SBNO2: variants seen among roughly 807,000 people sequenced by gnomAD.
SBNO2 encodes protein strawberry notch homolog 2.
In SBNO2, 89 loss-of-function variants were observed where a neutral mutation model predicts 146.3. That is an observed-to-expected ratio of 0.61 (90% CI 0.51 to 0.73). The LOEUF is 0.73. SBNO2 is among the 30% of genes least tolerant of loss of function. The pLI, the probability that SBNO2 is intolerant of heterozygous loss-of-function variation, is 0.00. For missense variants in SBNO2, 2,092 were observed against 2,003.7 expected, an observed-to-expected ratio of 1.04 and a Z score of -0.84; for synonymous variants, 1,147 against 892.6, an observed-to-expected ratio of 1.29 and a Z score of -5.08.
rs2080124128 is a variant in SBNO2, at chr19:1,140,418, G to A, written c.279+6891C>T. Among the ~76,000 whole-genome samples the A allele has an allele frequency of 6.6e-6, 1 of 152,214 alleles. No homozygotes were observed. The highest frequency in any genetic ancestry group is 1.5e-5 in the Non-Finnish European group (1 of 68,032). On this transcript the variant is annotated intron_variant, in intron 4 of 31. Transcript: ENST00000361757. The surrounding 1 kb of genome is among the most constrained non-coding windows in gnomAD (Gnocchi z 4.4). ...ACGGGGCTGAGCCATCACCCACCAG[G>A]GACATTGAGCCTGATGGCTTCGCGC...
At position 1,119,732 on chromosome 19, in the gene SBNO2, T is replaced by C. The variant is rs868436377; in HGVS notation, c.1268-111A>G. On this transcript the variant is annotated intron_variant, in intron 12 of 31. Coordinates refer to ENST00000361757, the MANE Select transcript of SBNO2 (RefSeq NM_014963.3). ...GAGGGGCCCTGCGGGGTTGGAGCCA[T>C]GGGCCTGAAGAGAGCCAGCGTGGCC... is the stretch of plus-strand genomic sequence containing the variant. The C allele has an allele frequency of 3.6e-5, 38 of 1,061,706 alleles. No individual in the cohort carries two copies. The Middle Eastern group carries it at 3.6e-3, about 102-fold the overall frequency. 65.8% of individuals were successfully genotyped at this position (1,061,706 alleles called of 1,614,324 possible).
intron 2 of SBNO2, among the ~76,000 whole-genome samples, chr19:1,153,745 C>T (rs2145314104): frequency 6.6e-6 from 1 of 152,304 alleles, no homozygotes; most frequent in South Asian, 2.1e-4. Context: ...ACTATGTTGG[C>T]CAGGCTGGTC....
intron 4 of SBNO2, chr19:1,128,411 G>C: frequency 3.5e-6 from 1 of 287,668 alleles, no homozygotes; most frequent in South Asian, 2.6e-5. Context: ...TTTTTTTTTT[G>C]AGACGGATTC....
At chr19:1,131,066 T>G (rs2080022884) in intron 4 of SBNO2, among the ~76,000 whole-genome samples, 1 of 152,184 alleles carries the variant, frequency 6.6e-6, no homozygotes, top group Non-Finnish European at 1.5e-5. Flanking sequence ...GGCTCCGTCC[T>G]CTGCCCACAT....
chr19:1,166,142 AGACCCC>A (rs2080420924), intron 1 of SBNO2, among the ~76,000 whole-genome samples: 1 of 136,862 alleles, frequency 7.3e-6, no homozygotes, highest in African/African-American at 2.7e-5. Context: ...TCAGATCCCC[AGACCCC>A]AGATCCCAGA....
rs956109323 is a variant in SBNO2, at chr19:1,119,460, T to C, written c.1373+56A>G. 3.9e-5 allele frequency: 52 copies of C among 1,349,438 alleles called. No individual in the cohort carries two copies. The East Asian group carries it at 1.1e-3, about 30-fold the overall frequency. 83.6% of individuals were successfully genotyped at this position (1,349,438 alleles called of 1,614,324 possible). A position where few individuals can be genotyped will look rare whatever the true frequency, so the allele number is the denominator to read the frequency against. On this transcript the variant is annotated intron_variant, in intron 13 of 31. Coordinates refer to ENST00000361757, the MANE Select transcript of SBNO2 (RefSeq NM_014963.3). ...GTGCCAGGCCTTGGGCTGATGGGCCTGAGGCCTCCTCCCCACCCCCCGCCG... is the reference window on the plus strand; with the variant it reads ...GTGCCAGGCCTTGGGCTGATGGGCCCGAGGCCTCCTCCCCACCCCCCGCCG...
At chr19:1,113,421 C>G (rs2079791402) in intron 19 of SBNO2, 114 bp downstream of exon 19, 1 of 985,902 alleles carries the variant, frequency 1.0e-6, no homozygotes, top group East Asian at 3.0e-5. Context: ...CTCGCAGGGC[C>G]GCGGAGACGC....
chr19:1,154,026 G>A (rs1016876701), intron 2 of SBNO2, among the ~76,000 whole-genome samples, 158 bp downstream of exon 2: 10 of 152,296 alleles, frequency 6.6e-5, no homozygotes, highest in African/African-American at 2.2e-4. Flanking sequence ...CAGGGCCCAC[G>A]GGGGCGGGTG....
At chr19:1,172,218 G>A (rs1236656772) in intron 1 of SBNO2, among the ~76,000 whole-genome samples, 3 of 152,130 alleles carry the variant, frequency 2.0e-5, no homozygotes, top group African/African-American at 7.2e-5. Context: ...AAGGACGAGA[G>A]CCTGCCTGCG....
At chr19:1,164,907 A>C (rs1599884083) in intron 1 of SBNO2, among the ~76,000 whole-genome samples, 2 of 65,672 alleles carry the variant, frequency 3.0e-5, no homozygotes, top group African/African-American at 1.0e-4. Context: ...GAGGAGGAGG[A>C]GGCACAGGAG....
In SBNO2 at chr19:1,147,423, G is replaced by T. The variant is rs2080201467; in HGVS notation, c.168-3C>A. ...AGGAGGCGGAGCTCATGAACGGGCT[G>T]GAGGGAGATGGGGGGGGGGGAGGTG... On this transcript the variant is annotated splice_region_variant and splice_polypyrimidine_tract_variant and intron_variant, in intron 3 of 31. Transcript: ENST00000361757. 3 of 1,376,122 alleles carry T rather than the reference G, an allele frequency of 2.2e-6. 1 individual carries two copies. The highest frequency in any genetic ancestry group is 2.9e-6 in the Non-Finnish European group (3 of 1,037,192). 85.2% of individuals were successfully genotyped at this position (1,376,122 alleles called of 1,614,324 possible). A position where few individuals can be genotyped will look rare whatever the true frequency, so the allele number is the denominator to read the frequency against.
rs2079969152 is a variant in SBNO2, at chr19:1,126,652, G to GC, written c.441+951dup. The stretch of plus-strand genomic sequence containing the variant: ...GCCCGTGAGTTCTGCTGCCCGGGTT[G>GC]CCCCTTCCTGAGGGCCCGGGAGAGC... On this transcript the variant is annotated intron_variant, in intron 5 of 31. Coordinates refer to ENST00000361757, the MANE Select transcript of SBNO2 (RefSeq NM_014963.3). This position sits in a 1 kb window ranked among gnomAD's most constrained non-coding sequence, Gnocchi z 4.4. Among the ~76,000 whole-genome samples, 1 of 152,140 alleles carries GC rather than the reference G, an allele frequency of 6.6e-6. No homozygotes were observed. The highest frequency in any genetic ancestry group is 2.1e-4 in the South Asian group (1 of 4,824).
intron 1 of SBNO2, among the ~76,000 whole-genome samples, chr19:1,165,960 CCCCAGAT>C (rs1389914536): frequency 1.9e-5 from 2 of 105,078 alleles, no homozygotes; most frequent in African/African-American, 3.5e-5. Flanking sequence ...AGATCTCAGA[CCCCAGAT>C]CCCAGATCCC....
chr19:1,138,982 C>A (rs2080110843), intron 4 of SBNO2, among the ~76,000 whole-genome samples: 1 of 152,140 alleles, frequency 6.6e-6, no homozygotes, highest in Admixed American at 6.5e-5. Context: ...CAGTGGGCCC[C>A]TCCACGCGTC....
At position 1,134,770 on chromosome 19, in the gene SBNO2, C is replaced by T. The variant is rs368057946; in HGVS notation, c.280-7005G>A. Among the ~76,000 whole-genome samples, 14 of 152,078 alleles carry T rather than the reference C, an allele frequency of 9.2e-5. No individual in the cohort carries two copies. The South Asian group carries it at 1.5e-3, about 16-fold the overall frequency. The stretch of plus-strand genomic sequence containing the variant: ...CTTTTTTAAAGTGTGGATTTGGGCC[C>T]GGCACGGTGGCTTACGCCTGTAATC... On this transcript the variant is annotated intron_variant, in intron 4 of 31. Transcript: ENST00000361757.
In SBNO2 at chr19:1,123,989, C is replaced by G; in HGVS notation, c.475G>C (p.Glu159Gln). The G allele has an allele frequency of 6.2e-7, 1 of 1,612,062 alleles. No individual in the cohort carries two copies. Among genetic ancestry groups the G allele is most frequent in the Non-Finnish European group, 8.5e-7 (1 of 1,179,414 alleles). The change falls in exon 6 of 32, where the codon GAG becomes CAG. Residue 159 changes from glutamate to glutamine, a missense_variant. Transcript: ENST00000361757. ...GTGCTGTGGGAGGGCAGAAAGTCCT[C>G]GAAGCCTGCAAACGGCCTGCTGAGC... Reference protein sequence around the residue: ...FQLSRPFAGFEDFLPSHSTPL... With the variant: ...FQLSRPFAGFQDFLPSHSTPL...
intron 1 of SBNO2, among the ~76,000 whole-genome samples, chr19:1,166,915 T>C (rs2080431578): frequency 6.6e-6 from 1 of 151,930 alleles, no homozygotes; most frequent in Non-Finnish European, 1.5e-5. Context: ...CCTTGGGGAG[T>C]GCCAAGCGTT....
Position 1,110,903 on chromosome 19 carries a change from A to G in SBNO2, c.2885-15T>C. The G allele has an allele frequency of 1.9e-6, 3 of 1,612,612 alleles. No individual in the cohort carries two copies. The highest frequency in any genetic ancestry group is 2.5e-6 in the Non-Finnish European group (3 of 1,178,948). ...GATGGAACAGTCTGGTAGGGGAGGGAGCCAAGCCTCAGGCTGCGCTGGGAA... is the reference window on the plus strand; with the variant it reads ...GATGGAACAGTCTGGTAGGGGAGGGGGCCAAGCCTCAGGCTGCGCTGGGAA... On this transcript the variant is annotated splice_polypyrimidine_tract_variant and intron_variant, in intron 25 of 31. Coordinates refer to ENST00000361757, the MANE Select transcript of SBNO2 (RefSeq NM_014963.3). The surrounding 1 kb of genome is among the most constrained non-coding windows in gnomAD (Gnocchi z 4.9).
chr19:1,160,165 C>T (rs1284847912), intron 1 of SBNO2, among the ~76,000 whole-genome samples: 1 of 152,146 alleles, frequency 6.6e-6, no homozygotes, highest in Non-Finnish European at 1.5e-5. Context: ...GAAGCTGCCC[C>T]GGCAGCGAGG....
Sources: allele counts gnomAD v4.1 joint callset (sites outside exome capture counted in the v4.1 genomes callset), GRCh38; gene constraint gnomAD v4.1.1; non-coding constraint Gnocchi (gnomAD v3.1); transcripts MANE v1.5; gene names NCBI Gene and HGNC (gene_info 2026-07-23, HGNC 2026-07-21).